The following CCDC178 variants were observed in gnomAD, a reference collection of about 807,000 sequenced individuals.
The protein encoded by CCDC178 is coiled-coil domain containing 178.
A neutral mutation model predicts 117.4 loss-of-function variants in CCDC178; 126 were observed. The observed-to-expected ratio is 1.07, with a 90% CI of 0.93 to 1.24. The LOEUF (loss-of-function observed/expected upper bound fraction) is 1.24. CCDC178 is among the 50% of genes most tolerant of loss of function. CCDC178 has a pLI of 0.00. For missense variants in CCDC178, 1,030 were observed against 986.9 expected (o/e 1.04, Z -0.59); for synonymous variants, 283 against 313.4 (o/e 0.90, Z 1.02).
In CCDC178 at chr18:33,333,229, GA is replaced by G; in HGVS notation, c.823del (p.Ser275LeufsTer10). The G allele has an allele frequency of 6.2e-7, 1 of 1,611,500 alleles. No homozygotes were observed. The highest frequency in any genetic ancestry group is 8.5e-7 in the Non-Finnish European group (1 of 1,178,670). On this transcript the variant is annotated frameshift_variant, in exon 10 of 23. Transcript: ENST00000383096. LOFTEE classifies it high-confidence loss of function. ...ATCTTGAAGTTCCTGATTCTGCTTA[GA>G]GTCCAGTAGAGGGCCATGTTCATTC... Reference protein sequence around the residue: ...YMNEHGPLLDSKQNQELQDLK... With the variant: ...YMNEHGPLLDXKQNQELQDLK...
chr18:33,417,958 A>C (rs544818816), intron 2 of CCDC178, among the ~76,000 whole-genome samples: 1 of 152,210 alleles, frequency 6.6e-6, no homozygotes, highest in East Asian at 1.9e-4. Context: ...ATTCCAAAAA[A>C]CTGAGGAGGA....
Position 33,113,082 on chromosome 18 carries a change from C to T in CCDC178, c.2239-20172G>A, listed in dbSNP as rs1031741531. Among the ~76,000 whole-genome samples the T allele has an allele frequency of 2.0e-5, 3 of 151,864 alleles. No individual in the cohort carries two copies. In the East Asian group the frequency reaches 5.8e-4, roughly 29 times the overall value. On this transcript the variant is annotated intron_variant, in intron 20 of 22. Transcript: ENST00000383096. ...TTTAGAAGCCAAACTCTAAGAATTT[C>T]TTTTTAATTCCCCATGGACTATCCA...
chr18:33,233,619 C>A (rs569279183), intron 15 of CCDC178, among the ~76,000 whole-genome samples: 8 of 151,588 alleles, frequency 5.3e-5, no homozygotes, highest in South Asian at 2.1e-4. Flanking sequence ...GGTAGCCTCA[C>A]GCTATAGGAG....
intron 21 of CCDC178, among the ~76,000 whole-genome samples, chr18:33,043,110 A>T (rs2056579268): frequency 6.6e-6 from 1 of 152,098 alleles, no homozygotes; most frequent in Admixed American, 6.6e-5. Flanking sequence ...GCTATGTTAA[A>T]TAAAAGACTA....
intron 21 of CCDC178, among the ~76,000 whole-genome samples, chr18:33,087,109 A>T (rs2057391481): frequency 6.6e-6 from 1 of 152,060 alleles, no homozygotes; most frequent in Non-Finnish European, 1.5e-5. Flanking sequence ...CATCACACTC[A>T]ATAAATCACT....
At chr18:33,325,556 G>C (rs747452914) in intron 10 of CCDC178, among the ~76,000 whole-genome samples, 7 of 151,642 alleles carry the variant, frequency 4.6e-5, no homozygotes, top group Non-Finnish European at 1.0e-4. Context: ...CTCTTCTTTG[G>C]ACTAAATATT....
chr18:33,411,109 G>A (rs908342355), intron 3 of CCDC178, among the ~76,000 whole-genome samples: 1 of 152,116 alleles, frequency 6.6e-6, no homozygotes, highest in East Asian at 1.9e-4. Context: ...CCATCCAGCC[G>A]ACTCATGCAC....
rs541631108 is a variant in CCDC178, at chr18:33,329,611, T to C, written c.879+3563A>G. Among the ~76,000 whole-genome samples the C allele has an allele frequency of 2.2e-4, 33 of 152,306 alleles. No homozygotes were observed. The South Asian group carries it at 6.8e-3, about 32-fold the overall frequency. On this transcript the variant is annotated intron_variant, in intron 10 of 22. Transcript: ENST00000383096. ...CATTAAACTGATTTATTTTCATATATTGTATCACATATGTATTCCTGGGAT... is the reference window on the plus strand; with the variant it reads ...CATTAAACTGATTTATTTTCATATACTGTATCACATATGTATTCCTGGGAT...
At chr18:33,077,711 A>G (rs988608342) in intron 21 of CCDC178, among the ~76,000 whole-genome samples, 2 of 152,016 alleles carry the variant, frequency 1.3e-5, no homozygotes, top group African/African-American at 2.4e-5. Context: ...ACACATACAC[A>G]CTCCCAAGAG....
At chr18:33,044,529 C>A (rs1056178714) in intron 21 of CCDC178, among the ~76,000 whole-genome samples, 3 of 151,136 alleles carry the variant, frequency 2.0e-5, no homozygotes, top group Non-Finnish European at 3.0e-5. Context: ...ACAAAAAAAA[C>A]AGATGTTGAC....
intron 5 of CCDC178, among the ~76,000 whole-genome samples, chr18:33,377,901 G>T (rs1298690074): frequency 1.3e-5 from 2 of 152,036 alleles, no homozygotes; most frequent in African/African-American, 2.4e-5. Flanking sequence ...TGTTCTTTTT[G>T]GTTAGAATTG....
intron 2 of CCDC178, among the ~76,000 whole-genome samples, chr18:33,439,559 A>G (rs1043283393): frequency 6.6e-6 from 1 of 152,274 alleles, no homozygotes; most frequent in Non-Finnish European, 1.5e-5. Flanking sequence ...CTAAATAACA[A>G]TTGAACATAA....
chr18:33,154,769 C>T (rs2058375865), intron 20 of CCDC178, among the ~76,000 whole-genome samples: 1 of 152,038 alleles, frequency 6.6e-6, no homozygotes, highest in African/African-American at 2.4e-5. Context: ...TCAGACAAAA[C>T]TTGCATTAAG....
chr18:33,188,568 T>C (rs1025378764), intron 20 of CCDC178, among the ~76,000 whole-genome samples: 22 of 152,038 alleles, frequency 1.4e-4, no homozygotes, highest in Non-Finnish European at 1.6e-4. Context: ...GTTTAAGGTG[T>C]AAAGGTACAC....
At chr18:33,085,285 C>T (rs918231288) in intron 21 of CCDC178, among the ~76,000 whole-genome samples, 2 of 152,080 alleles carry the variant, frequency 1.3e-5, no homozygotes, top group African/African-American at 2.4e-5. Context: ...TTTTTGGGGC[C>T]GGGTACGGTG....
intron 21 of CCDC178, among the ~76,000 whole-genome samples, chr18:32,987,184 C>T (rs1480518163): frequency 1.3e-5 from 2 of 151,818 alleles, no homozygotes; most frequent in Non-Finnish European, 2.9e-5. Context: ...ATATGGATTA[C>T]ATTTTTCAGT....
intron 20 of CCDC178, among the ~76,000 whole-genome samples, chr18:33,177,784 A>G (rs2058680565): frequency 6.6e-6 from 1 of 152,058 alleles, no homozygotes; most frequent in South Asian, 2.1e-4. Flanking sequence ...TCTATTAATT[A>G]TCTCTAGTAT....
intron 21 of CCDC178, among the ~76,000 whole-genome samples, chr18:32,984,601 A>G (rs2055223692): frequency 6.6e-6 from 1 of 152,006 alleles, no homozygotes; most frequent in East Asian, 1.9e-4. Flanking sequence ...AAATCCCATG[A>G]ACAGTTCAAT....
rs541632791 is a variant in CCDC178 at position 33,048,209 on chromosome 18, A to G, written c.2388+44552T>C. ...TTCAGAGGGAGCATGCCCCCACTAC[A>G]CCTAAATTTTGGACTTTTAGTCTAC... On this transcript the variant is annotated intron_variant, in intron 21 of 22. Coordinates refer to ENST00000383096, the MANE Select transcript of CCDC178 (RefSeq NM_001105528.4). Among the ~76,000 whole-genome samples, 11 of 152,222 alleles carry G rather than the reference A, an allele frequency of 7.2e-5. No homozygotes were observed. In the East Asian group the frequency reaches 2.1e-3, roughly 29 times the overall value.
Sources: allele counts gnomAD v4.1 joint callset (sites outside exome capture counted in the v4.1 genomes callset), GRCh38; gene constraint gnomAD v4.1.1; transcripts MANE v1.5; gene names NCBI Gene and HGNC (gene_info 2026-07-23, HGNC 2026-07-21).